Variants in SI observed in about 807,000 individuals in gnomAD.
SI encodes sucrase-isomaltase.
A neutral mutation model predicts 253.3 loss-of-function variants in SI; 235 were observed. That is an observed-to-expected ratio of 0.93 (90% CI 0.83 to 1.03). The LOEUF (loss-of-function observed/expected upper bound fraction) is 1.03, where lower values mean the gene tolerates loss of function less well. SI is among the 50% of genes least tolerant of loss of function. The pLI is 0.00. For synonymous variants in SI, 819 were observed against 712.0 expected (o/e 1.15, Z -2.39); for missense variants, 2,442 against 2,211.1 (o/e 1.10, Z -2.09).
chr3:165,085,877 G>A, the SI span, among the ~76,000 whole-genome samples: 3 of 152,048 alleles, frequency 2.0e-5, no homozygotes, highest in South Asian at 2.1e-4. Context: ...CCCAGAATAC[G>A]CAAAGTTCTA....
upstream of SI, among the ~76,000 whole-genome samples, chr3:165,080,590 A>G (rs568083515): frequency 1.2e-4 from 18 of 152,176 alleles, 1 homozygote; most frequent in East Asian, 3.5e-3. Flanking sequence ...GGATGAGTTC[A>G]TGTCCTTTGT....
At chr3:165,074,048 A>G (rs1714779992) in intron 3 of SI, among the ~76,000 whole-genome samples, 2 of 152,052 alleles carry the variant, frequency 1.3e-5, no homozygotes, top group African/African-American at 2.4e-5. Flanking sequence ...CATGAATCCA[A>G]TTGGTTACAC....
rs1444898080 is a variant in SI at position 165,023,669 on chromosome 3, T to C, written c.3000A>G (p.Gln1000=). 3.1e-6 allele frequency: 5 copies of C among 1,610,952 alleles called. No individual in the cohort carries two copies. In the East Asian group the frequency reaches 9.0e-5, roughly 29 times the overall value. Residue 1000 remains glutamine (Q), a synonymous_variant, in exon 26 of 48, where the codon CAA becomes CAG. Transcript: ENST00000264382. The part of the protein sequence containing the change: ...YSSMGITADL[Q]LNTANARIKL... ...TTATTCTGGCATTTGCAGTATTTAG[T>C]TGGAGGTCAGCTGTTATACCCATGG...
the SI span, among the ~76,000 whole-genome samples, chr3:165,083,770 T>C: frequency 6.6e-6 from 1 of 152,028 alleles, no homozygotes; most frequent in East Asian, 1.9e-4. Flanking sequence ...TTGCCAAGTA[T>C]TTTTATGAAT....
chr3:164,983,704 C>A (rs1206839372), intron 45 of SI, among the ~76,000 whole-genome samples: 1 of 152,078 alleles, frequency 6.6e-6, no homozygotes, highest in Non-Finnish European at 1.5e-5. Flanking sequence ...ATCCTCCCAC[C>A]TCAGCCTCCT....
At chr3:164,991,531 C>G in intron 43 of SI, 54 bp from the exon 44 acceptor site, 1 of 1,583,944 alleles carries the variant, frequency 6.3e-7, no homozygotes, top group East Asian at 2.2e-5. Context: ...GAATCATCAG[C>G]AACACTGGTA....
At chr3:164,987,347 T>A in intron 44 of SI, 121 bp from the exon 45 acceptor site, 1 of 753,608 alleles carries the variant, frequency 1.3e-6, no homozygotes, top group Non-Finnish European at 2.3e-6. Context: ...CAAACTGACT[T>A]AGACTAAGAA....
At chr3:165,007,876 A>G (rs753993240) in intron 36 of SI, 35 bp downstream of exon 36, 16 of 1,001,802 alleles carry the variant, frequency 1.6e-5, no homozygotes, top group Non-Finnish European at 2.4e-5. Context: ...TAATAATAAC[A>G]TGATAATATC....
chr3:165,089,609 T>C, the SI span, among the ~76,000 whole-genome samples: 7 of 152,148 alleles, frequency 4.6e-5, no homozygotes, highest in African/African-American at 1.7e-4. Flanking sequence ...ACCCCAAAGC[T>C]TAGCATTTTA....
At chr3:164,987,378 TC>T (rs781295352) in intron 44 of SI, 152 bp from the exon 45 acceptor site, 11 of 668,016 alleles carry the variant, frequency 1.6e-5, no homozygotes, top group Non-Finnish European at 2.9e-5. Context: ...TTTCCATTTT[TC>T]TAAATTAGTT....
At chr3:164,982,840 G>C (rs1717256508) in intron 46 of SI, among the ~76,000 whole-genome samples, 162 bp downstream of exon 46, 1 of 151,904 alleles carries the variant, frequency 6.6e-6, no homozygotes, top group South Asian at 2.1e-4. Context: ...TTATAGAGAT[G>C]GGGTCCCATT....
intron 12 of SI, 81 bp from the exon 13 acceptor site, chr3:165,055,388 A>C: frequency 1.3e-6 from 1 of 791,108 alleles, no homozygotes; most frequent in Non-Finnish European, 2.1e-6. Flanking sequence ...AAAGTTGAGA[A>C]TAGTAAAAAA....
At chr3:165,015,306 A>G (rs1718973704) in intron 32 of SI, 73 bp from the exon 33 acceptor site, 3 of 933,516 alleles carry the variant, frequency 3.2e-6, no homozygotes, top group Non-Finnish European at 1.7e-6. Context: ...ATTATGAAGC[A>G]TAAGTTTTCA....
intron 37 of SI, among the ~76,000 whole-genome samples, chr3:165,001,405 C>T (rs1350351437): frequency 6.6e-6 from 1 of 151,456 alleles, no homozygotes; most frequent in Admixed American, 6.6e-5. Flanking sequence ...TCCCAACTCA[C>T]ATTTCAAATA....
intron 9 of SI, among the ~76,000 whole-genome samples, chr3:165,061,054 T>C (rs938852567): frequency 6.6e-6 from 1 of 151,664 alleles, no homozygotes; most frequent in Non-Finnish European, 1.5e-5. Flanking sequence ...AGAATTAGTA[T>C]GTTTTAAACT....
At chr3:165,055,363 G>A in intron 12 of SI, 56 bp from the exon 13 acceptor site, 2 of 961,092 alleles carry the variant, frequency 2.1e-6, no homozygotes, top group South Asian at 1.5e-5. Context: ...TAAATAAATG[G>A]AATTTCAAAT....
intron 41 of SI, 64 bp from the exon 42 acceptor site, chr3:164,992,461 T>C: frequency 5.5e-6 from 6 of 1,086,370 alleles, no homozygotes; most frequent in Non-Finnish European, 8.2e-6. Context: ...TACCATAAAA[T>C]CATTATTCAA....
intron 18 of SI, among the ~76,000 whole-genome samples, chr3:165,040,267 A>T (rs566183250): frequency 2.6e-5 from 4 of 151,610 alleles, no homozygotes; most frequent in Middle Eastern, 3.4e-3. Flanking sequence ...ATGGGAACAG[A>T]GGGAAGGAAA....
Position 165,075,882 on chromosome 3 carries a change from A to G in SI, c.118+13T>C. 7.1e-7 allele frequency: 1 copy of G among 1,412,176 alleles called. No homozygotes were observed. Among genetic ancestry groups the G allele is most frequent in the South Asian group, 1.2e-5 (1 of 86,520 alleles). 87.5% of individuals were successfully genotyped at this position (1,412,176 alleles called of 1,614,324 possible). On this transcript the variant is annotated intron_variant, in intron 2 of 47. Transcript: ENST00000264382. The stretch of plus-strand genomic sequence containing the variant: ...TCACGATAATGTAGCCATGCTTTTA[A>G]TGTACTACTTACCATCAACAGCAGG...
Sources: gnomAD v4.1 joint callset for allele counts (sites outside exome capture counted in the v4.1 genomes callset) on GRCh38, gnomAD v4.1.1 for gene constraint, MANE v1.5 for transcripts, NCBI Gene and HGNC (gene_info 2026-07-23, HGNC 2026-07-21) for gene names.